Variants in AKNA observed in about 807,000 individuals in gnomAD.
AKNA encodes microtubule organization protein AKNA.
AKNA carries 67 observed loss-of-function variants against 138.8 expected under a neutral mutation model. The ratio of observed to expected loss-of-function variants is 0.48; its 90% CI spans 0.40 to 0.59. The LOEUF (loss-of-function observed/expected upper bound fraction) is 0.59, where lower values mean the gene tolerates loss of function less well. AKNA is among the 20% of genes least tolerant of loss of function. The probability of loss-of-function intolerance (pLI) is 0.00; values close to 1 mark genes in which losing one functional copy is unlikely to be tolerated. For missense variants in AKNA, 1,813 were observed against 1,880.4 expected (o/e 0.96, Z 0.66); for synonymous variants, 737 against 754.4 (o/e 0.98, Z 0.38).
At chr9:114,350,760 T>G in intron 15 of AKNA, 99 bp downstream of exon 15, 4 of 1,354,776 alleles carry the variant, frequency 3.0e-6, no homozygotes, top group Non-Finnish European at 3.0e-6. Flanking sequence ...ACCATCTGTG[T>G]GAGCTGGGCA....
intron 4 of AKNA, among the ~76,000 whole-genome samples, chr9:114,370,813 G>A (rs2132002395): frequency 6.6e-6 from 1 of 152,238 alleles, no homozygotes; most frequent in South Asian, 2.1e-4. Context: ...GGAAGAGAGA[G>A]AGGAAGATGT....
At chr9:114,374,208 A>G (rs760744364) in intron 3 of AKNA, 41 bp from the exon 4 acceptor site, 1 of 1,536,222 alleles carries the variant, frequency 6.5e-7, no homozygotes, top group Non-Finnish European at 8.8e-7. Flanking sequence ...GCGCAGGCAC[A>G]CAATGAACCC....
chr9:114,383,882 T>C (rs1471244511), intron 1 of AKNA, among the ~76,000 whole-genome samples: 1 of 152,006 alleles, frequency 6.6e-6, no homozygotes, highest in Admixed American at 6.6e-5. Context: ...TGTGGATGGG[T>C]GTTCGGGGCT....
chr9:114,374,165 T>C lies in AKNA; in HGVS notation c.1344A>G (p.Glu448=). 6.4e-7 allele frequency: 1 copy of C among 1,556,428 alleles called. No homozygotes were observed. The highest frequency in any genetic ancestry group is 1.4e-5 in the African/African-American group (1 of 73,468). Reference sequence around the variant, plus strand: ...ACTTGGTGAGGAGCCTGTGGTAGTCTTCCTGCAGAAAGCGGGAGCAACACG... The same window carrying C: ...ACTTGGTGAGGAGCCTGTGGTAGTCCTCCTGCAGAAAGCGGGAGCAACACG... ...QATELVHQLQ[E]DYHRLLTKYA... Residue 448 remains glutamate (E), a splice_region_variant and synonymous_variant, in exon 4 of 22, where the codon GAA becomes GAG. Transcript: ENST00000374088.
chr9:114,348,978 C>G (rs767894628), intron 15 of AKNA: 64 of 456,146 alleles, frequency 1.4e-4, no homozygotes, highest in Non-Finnish European at 2.6e-4. Context: ...GGAGTGGAGG[C>G]CTCTTCCTGG....
intron 6 of AKNA, among the ~76,000 whole-genome samples, chr9:114,366,851 G>A (rs2131971061): frequency 6.6e-6 from 1 of 152,196 alleles, no homozygotes; most frequent in Admixed American, 6.5e-5. Flanking sequence ...TTTGGCATTG[G>A]CAACTAGGAA....
At chr9:114,345,689 A>C in intron 18 of AKNA, 174 bp downstream of exon 18, 1 of 576,236 alleles carries the variant, frequency 1.7e-6, no homozygotes, top group Non-Finnish European at 3.0e-6. Context: ...GAATGAATGA[A>C]CAAGTGCACC....
chr9:114,371,242 C>G (rs1278868646), intron 4 of AKNA, among the ~76,000 whole-genome samples: 3 of 152,250 alleles, frequency 2.0e-5, no homozygotes, highest in Non-Finnish European at 4.4e-5. Flanking sequence ...AAGTCTAGTT[C>G]TGCTAGAGTG....
chr9:114,361,079 A>G (rs980076954), intron 9 of AKNA, among the ~76,000 whole-genome samples: 5 of 151,696 alleles, frequency 3.3e-5, no homozygotes, highest in African/African-American at 1.2e-4. Flanking sequence ...AGACTGGCCT[A>G]CCCACAAGTC....
At chr9:114,348,721 C>A (rs1830881600) in intron 15 of AKNA, among the ~76,000 whole-genome samples, 1 of 152,338 alleles carries the variant, frequency 6.6e-6, no homozygotes. Flanking sequence ...GCATTGCTGA[C>A]ACCGCAGCAG....
chr9:114,373,370 A>T (rs1028620381), intron 4 of AKNA, among the ~76,000 whole-genome samples: 48 of 152,054 alleles, frequency 3.2e-4, no homozygotes, highest in African/African-American at 1.1e-3. Flanking sequence ...GGCTGTGGTG[A>T]GGTGGTGGGG....
chr9:114,373,054 C>T (rs962625626), intron 4 of AKNA, among the ~76,000 whole-genome samples: 7 of 151,132 alleles, frequency 4.6e-5, no homozygotes, highest in Non-Finnish European at 1.0e-4. Flanking sequence ...AAGTGCCTCT[C>T]GACATTGAGA....
At chr9:114,372,490 G>A (rs1162497708) in intron 4 of AKNA, among the ~76,000 whole-genome samples, 1 of 152,200 alleles carries the variant, frequency 6.6e-6, no homozygotes, top group Admixed American at 6.5e-5. Context: ...CTTACAAAGT[G>A]CCTGCCTAGT....
intron 15 of AKNA, among the ~76,000 whole-genome samples, chr9:114,348,180 C>T (rs1346632073): frequency 6.6e-6 from 1 of 152,144 alleles, no homozygotes; most frequent in Non-Finnish European, 1.5e-5. Flanking sequence ...TTCAGGAACA[C>T]CAGTGACAAA....
chr9:114,342,108 C>A lies in AKNA; in HGVS notation c.3775G>T (p.Asp1259Tyr). Residue 1259 changes from aspartate (D) to tyrosine (Y), a missense_variant, in exon 20 of 22, where the codon GAC (aspartate) becomes TAC (tyrosine). Physicochemically the swap from Asp to Tyr is radical, Grantham distance 160. Coordinates refer to ENST00000374088, the MANE Select transcript of AKNA (RefSeq NM_001317950.2). ...TQDAGGAVTG[D>Y]PLGPPPADTL... Reference sequence around the variant, plus strand: ...TCAGCGGGAGGCGGTCCCAGTGGGTCCCCTGTGACAGCACCACCTAGAAGA... The same window carrying A: ...TCAGCGGGAGGCGGTCCCAGTGGGTACCCTGTGACAGCACCACCTAGAAGA... The A allele has an allele frequency of 1.9e-6, 3 of 1,602,050 alleles. 1 individual carries two copies.
intron 14 of AKNA, 56 bp from the exon 15 acceptor site, chr9:114,351,077 T>C: frequency 6.4e-7 from 1 of 1,551,824 alleles, no homozygotes; most frequent in East Asian, 2.3e-5. Context: ...ACTTCCAAGC[T>C]CACACTTGTG....
At chr9:114,331,560 C>T (rs1007805037), downstream of AKNA, 5 of 1,611,074 alleles carry the variant, frequency 3.1e-6, no homozygotes, top group East Asian at 2.2e-5. Context: ...CTCTTTTTCT[C>T]TTCCAGAGGG....
Position 114,334,527 on chromosome 9 carries a change from TC to T in AKNA, c.*2526del, listed in dbSNP as rs766674310. Reference sequence around the variant, plus strand: ...AGATAACACGTAAGGGTGAGGCTGGTCCCTGGAAATCAGCTGACATCCTGCA... The same window carrying T: ...AGATAACACGTAAGGGTGAGGCTGGTCCTGGAAATCAGCTGACATCCTGCA... On this transcript the variant is annotated 3_prime_UTR_variant, in exon 22 of 22. Coordinates refer to ENST00000374088, the MANE Select transcript of AKNA (RefSeq NM_001317950.2). The T allele has an allele frequency of 6.8e-6, 1 of 146,146 alleles. No homozygotes were observed. Among genetic ancestry groups the T allele is most frequent in the East Asian group, 1.9e-4 (1 of 5,228 alleles). The allele number at this position is 146,146 out of a possible 1,614,324, so 9.1% of individuals were successfully genotyped here.
intron 6 of AKNA, among the ~76,000 whole-genome samples, chr9:114,367,019 T>C (rs1217886080): frequency 1.3e-5 from 2 of 152,192 alleles, no homozygotes; most frequent in East Asian, 1.9e-4. Flanking sequence ...TGTATTTTCA[T>C]AAGGTGCTTT....
Sources: allele counts gnomAD v4.1 joint callset (sites outside exome capture counted in the v4.1 genomes callset), GRCh38; gene constraint gnomAD v4.1.1; transcripts MANE v1.5; gene names NCBI Gene and HGNC (gene_info 2026-07-23, HGNC 2026-07-21).